The following REDIC1 variants were observed in gnomAD, a reference collection of about 807,000 sequenced individuals.
REDIC1 encodes the protein regulator of DNA class I crossover intermediates 1.
chr12:39,753,797 T>C, the REDIC1 span, among the ~76,000 whole-genome samples: 20,912 of 152,156 alleles, frequency 0.14, 1,695 homozygotes, highest in East Asian at 0.39. Context: ...ATTGATAACC[T>C]TCACTACACA....
At chr12:39,816,903 T>C in the REDIC1 span, among the ~76,000 whole-genome samples, 1 of 152,244 alleles carries the variant, frequency 6.6e-6, no homozygotes. Flanking sequence ...GAAAAGCAGA[T>C]ATTTTTAGCT....
chr12:39,856,293 C>T, the REDIC1 span, among the ~76,000 whole-genome samples: 1 of 152,174 alleles, frequency 6.6e-6, no homozygotes, highest in East Asian at 1.9e-4. Context: ...AAACACCCAG[C>T]CAATCAAAAT....
At chr12:39,683,304 T>C in the REDIC1 span, 1 of 1,100,708 alleles carries the variant, frequency 9.1e-7, no homozygotes, top group East Asian at 2.6e-5. Flanking sequence ...TTATATAACA[T>C]TGTGGACCAG....
chr12:39,802,104 C>G, the REDIC1 span, among the ~76,000 whole-genome samples: 26 of 152,154 alleles, frequency 1.7e-4, no homozygotes, highest in African/African-American at 5.6e-4. Flanking sequence ...ATGGGCTGGT[C>G]AGGAAGGCCC....
the REDIC1 span, among the ~76,000 whole-genome samples, chr12:39,698,928 G>T: frequency 6.6e-6 from 1 of 152,056 alleles, no homozygotes; most frequent in Non-Finnish European, 1.5e-5. Context: ...ATATCTTAAA[G>T]AACTAGAACG....
the REDIC1 span, among the ~76,000 whole-genome samples, chr12:39,714,792 AT>A: frequency 6.6e-6 from 1 of 151,642 alleles, no homozygotes; most frequent in Non-Finnish European, 1.5e-5. Flanking sequence ...TGTGGTTTTG[AT>A]TTGCATTTCC....
chr12:39,641,883 C>A, the REDIC1 span, among the ~76,000 whole-genome samples: 1 of 151,686 alleles, frequency 6.6e-6, no homozygotes, highest in Non-Finnish European at 1.5e-5. Context: ...CCATTCATTT[C>A]TCAGTCATCT....
chr12:39,700,714 C>G, the REDIC1 span, among the ~76,000 whole-genome samples: 1 of 151,914 alleles, frequency 6.6e-6, no homozygotes, highest in African/African-American at 2.4e-5. Flanking sequence ...CAAAGGGAAG[C>G]CCATCAGACT....
the REDIC1 span, among the ~76,000 whole-genome samples, chr12:39,718,964 G>T: frequency 6.6e-6 from 1 of 151,960 alleles, no homozygotes; most frequent in Non-Finnish European, 1.5e-5. Context: ...AGCATCTAAC[G>T]GTATGCCTTT....
chr12:39,712,288 GTATGTATATATACATACATATA>G, the REDIC1 span, among the ~76,000 whole-genome samples: 3 of 51,898 alleles, frequency 5.8e-5, no homozygotes, highest in Non-Finnish European at 1.4e-4. Flanking sequence ...ATATATACCT[GTATGTATATATACATACATATA>G]TATGTATATA....
the REDIC1 span, among the ~76,000 whole-genome samples, chr12:39,830,861 A>G: frequency 1.3e-5 from 2 of 152,226 alleles, no homozygotes; most frequent in African/African-American, 4.8e-5. Flanking sequence ...AGAAGTAGGT[A>G]TAGAAACAAA....
At chr12:39,680,329 C>A in the REDIC1 span, among the ~76,000 whole-genome samples, 1 of 151,902 alleles carries the variant, frequency 6.6e-6, no homozygotes, top group African/African-American at 2.4e-5. Flanking sequence ...TGTGAATAGA[C>A]AATTTGCAAA....
the REDIC1 span, among the ~76,000 whole-genome samples, chr12:39,880,462 T>C: frequency 1.3e-5 from 2 of 152,256 alleles, no homozygotes; most frequent in South Asian, 4.1e-4. Flanking sequence ...GTTAGAAAAG[T>C]AGAAATCACA....
At chr12:39,822,685 C>G in the REDIC1 span, among the ~76,000 whole-genome samples, 3 of 152,144 alleles carry the variant, frequency 2.0e-5, no homozygotes, top group African/African-American at 7.2e-5. Flanking sequence ...TCTTAGTCTT[C>G]TTTAATCTTC....
At chr12:39,716,814 C>T in the REDIC1 span, 3 of 1,599,798 alleles carry the variant, frequency 1.9e-6, no homozygotes, top group Non-Finnish European at 2.6e-6. Flanking sequence ...CAACAGACAG[C>T]TGTTTCAGTT....
chr12:39,697,065 A>G, the REDIC1 span, among the ~76,000 whole-genome samples: 2 of 152,100 alleles, frequency 1.3e-5, no homozygotes, highest in Non-Finnish European at 2.9e-5. Flanking sequence ...ACCTCAAGGC[A>G]TTTAATAAAC....
the REDIC1 span, among the ~76,000 whole-genome samples, chr12:39,786,590 G>T: frequency 1.3e-5 from 2 of 152,202 alleles, no homozygotes; most frequent in Non-Finnish European, 2.9e-5. Flanking sequence ...AAAGCACAAG[G>T]AGAGCATGAT....
the REDIC1 span, among the ~76,000 whole-genome samples, chr12:39,753,387 T>G: frequency 1.3e-5 from 2 of 152,186 alleles, no homozygotes; most frequent in South Asian, 4.1e-4. Flanking sequence ...GATTACTGAT[T>G]TTCTAAACTT....
At chr12:39,707,365 G>C in the REDIC1 span, among the ~76,000 whole-genome samples, 1 of 151,806 alleles carries the variant, frequency 6.6e-6, no homozygotes, top group Non-Finnish European at 1.5e-5. Flanking sequence ...AATTACAAAC[G>C]CTGATGAGGA....
Sources: allele counts gnomAD v4.1 joint callset (sites outside exome capture counted in the v4.1 genomes callset), GRCh38; gene constraint gnomAD v4.1.1; transcripts MANE v1.5; gene names NCBI Gene and HGNC (gene_info 2026-07-23, HGNC 2026-07-21).